PCDH7: variants seen among roughly 807,000 people sequenced by gnomAD.
The protein encoded by PCDH7 is protocadherin-7.
A neutral mutation model predicts 58.9 loss-of-function variants in PCDH7; 17 were observed. The ratio of observed to expected loss-of-function variants is 0.29; its 90% CI spans 0.20 to 0.43. PCDH7 has a LOEUF of 0.43. Among genes scored for constraint, PCDH7 ranks in the 20% least tolerant of loss-of-function variants. The pLI, the probability that PCDH7 is intolerant of heterozygous loss-of-function variation, is 1.00. For missense variants in PCDH7, 1,274 were observed against 1,441.0 expected (o/e 0.88, Z 1.88); for synonymous variants, 664 against 616.4 (o/e 1.08, Z -1.14).
At chr4:30,855,886 G>A (rs988457968) in intron 1 of PCDH7, among the ~76,000 whole-genome samples, 1 of 152,102 alleles carries the variant, frequency 6.6e-6, no homozygotes, top group Non-Finnish European at 1.5e-5. Context: ...ACTTTAATCT[G>A]CCGGATGGCC....
At chr4:31,112,032 C>A (rs559453040) in intron 3 of PCDH7, among the ~76,000 whole-genome samples, 1 of 152,172 alleles carries the variant, frequency 6.6e-6, no homozygotes, top group African/African-American at 2.4e-5. Flanking sequence ...AATAAGCATT[C>A]TATAAATGTG....
intron 3 of PCDH7, among the ~76,000 whole-genome samples, chr4:31,087,077 T>C (rs1276887452): frequency 6.6e-6 from 1 of 152,108 alleles, no homozygotes; most frequent in Non-Finnish European, 1.5e-5. Context: ...GTTCTCTGCA[T>C]TGTGGGGAGC....
chr4:30,927,296 T>TA (rs1743991877), intron 2 of PCDH7, among the ~76,000 whole-genome samples: 1 of 152,134 alleles, frequency 6.6e-6, no homozygotes, highest in Non-Finnish European at 1.5e-5. Flanking sequence ...GATTTATGTA[T>TA]AAAAAAACCT....
At chr4:30,906,124 G>T (rs1367157437) in intron 1 of PCDH7, among the ~76,000 whole-genome samples, 1 of 152,098 alleles carries the variant, frequency 6.6e-6, no homozygotes, top group Non-Finnish European at 1.5e-5. Context: ...GATATTCCAA[G>T]ATACATTAAC....
intron 3 of PCDH7, among the ~76,000 whole-genome samples, chr4:30,980,989 T>A (rs1001079835): frequency 6.6e-6 from 1 of 152,100 alleles, no homozygotes; most frequent in African/African-American, 2.4e-5. Flanking sequence ...ACTACAGACG[T>A]GTGCCACCAC....
chr4:30,824,148 T>C (rs1278214810), intron 1 of PCDH7, among the ~76,000 whole-genome samples: 3 of 147,872 alleles, frequency 2.0e-5, no homozygotes, highest in Non-Finnish European at 4.5e-5. Flanking sequence ...TCTTTCTTTC[T>C]TTCTTTCTTT....
intron 1 of PCDH7, chr4:30,884,392 G>A (rs1181801509): frequency 1.3e-5 from 2 of 152,064 alleles, no homozygotes; most frequent in Non-Finnish European, 2.9e-5. Flanking sequence ...CCTGGGGAGG[G>A]GACTGGTTTA....
At chr4:30,934,244 T>C (rs992752864) in intron 2 of PCDH7, among the ~76,000 whole-genome samples, 1 of 151,734 alleles carries the variant, frequency 6.6e-6, no homozygotes, top group African/African-American at 2.4e-5. Flanking sequence ...CGTCTGAGTA[T>C]TATCTATGTC....
chr4:30,932,777 G>A (rs923822841), intron 2 of PCDH7, among the ~76,000 whole-genome samples: 3 of 151,964 alleles, frequency 2.0e-5, no homozygotes, highest in Non-Finnish European at 4.4e-5. Flanking sequence ...ATTTTATCAC[G>A]GCCTCAGAAT....
At position 30,722,845 on chromosome 4, in the gene PCDH7, G is replaced by A. The variant is rs1429621392; in HGVS notation, c.1423G>A (p.Asp475Asn). ...GCCCTTCCAGCTCAAGCCAGCCAGC[G>A]ACACCGAGGGCGACCAGAACAAGAA... Residue 475 changes from aspartate (D) to asparagine (N), a missense_variant, in exon 1 of 2, where the codon GAC (aspartate) becomes AAC (asparagine). Transcript: ENST00000361762. The surrounding 1 kb of genome is among the most constrained non-coding windows in gnomAD (Gnocchi z 7.6). 1 of 1,613,768 alleles carries A rather than the reference G, an allele frequency of 6.2e-7. No homozygotes were observed. The highest frequency in any genetic ancestry group is 8.5e-7 in the Non-Finnish European group (1 of 1,180,030).
intron 1 of PCDH7, among the ~76,000 whole-genome samples, chr4:30,823,804 C>T (rs1728674690): frequency 1.3e-5 from 2 of 152,130 alleles, no homozygotes; most frequent in South Asian, 4.1e-4. Context: ...TCCGAAAGTG[C>T]TGCCTCTGCA....
chr4:31,037,263 C>T (rs1381277756), intron 3 of PCDH7, among the ~76,000 whole-genome samples: 1 of 152,112 alleles, frequency 6.6e-6, no homozygotes, highest in African/African-American at 2.4e-5. Context: ...TCAGTTTGTT[C>T]ATCTGTATGT....
Position 30,722,430 on chromosome 4 carries a change from C to A in PCDH7, c.1008C>A (p.Asp336Glu). 1.2e-6 allele frequency: 2 copies of A among 1,612,414 alleles called. No homozygotes were observed. The highest frequency in any genetic ancestry group is 1.7e-6 in the Non-Finnish European group (2 of 1,179,798). ...TGCAACTGCGCGCAGCCGACTTGGA[C>A]GTGGGGGTCAACGGGCAGATCGAAT... The change falls in exon 1 of 2, where the codon GAC becomes GAA. Residue 336 changes from aspartate to glutamate, a missense_variant. This residue lies in a region of PCDH7 where 331 missense variants were observed against 303.2 expected (regional missense o/e 1.09). Coordinates refer to ENST00000361762, the Ensembl canonical transcript of PCDH7. The surrounding 1 kb of genome is among the most constrained non-coding windows in gnomAD (Gnocchi z 7.6).
At chr4:30,775,024 T>A (rs1248798923) in intron 1 of PCDH7, among the ~76,000 whole-genome samples, 1 of 152,214 alleles carries the variant, frequency 6.6e-6, no homozygotes, top group Non-Finnish European at 1.5e-5. Flanking sequence ...TTGAATGGAA[T>A]CTTTTATTTG....
intron 1 of PCDH7, among the ~76,000 whole-genome samples, chr4:30,788,407 A>T (rs947550236): frequency 2.0e-5 from 3 of 152,096 alleles, no homozygotes; most frequent in Non-Finnish European, 2.9e-5. Flanking sequence ...TCTTCTTTCT[A>T]TGTGACAATC....
intron 1 of PCDH7, among the ~76,000 whole-genome samples, chr4:30,863,471 G>A (rs1263951220): frequency 2.6e-5 from 4 of 151,996 alleles, no homozygotes; most frequent in African/African-American, 7.2e-5. Flanking sequence ...TGATCGTCAC[G>A]CACAAATGTC....
chr4:30,836,886 C>T (rs1730544917), intron 1 of PCDH7, among the ~76,000 whole-genome samples: 1 of 152,120 alleles, frequency 6.6e-6, no homozygotes, highest in Non-Finnish European at 1.5e-5. Flanking sequence ...ATTTCAACAG[C>T]CAAGCCGAGT....
At position 31,135,657 on chromosome 4, in the gene PCDH7, G is replaced by A. The variant is rs191317758; in HGVS notation, c.*8-6816G>A. Among the ~76,000 whole-genome samples, 124 of 152,154 alleles carry A rather than the reference G, an allele frequency of 8.1e-4. 1 individual carries two copies. The highest frequency in any genetic ancestry group is 2.8e-3 in the African/African-American group (115 of 41,512). On this transcript the variant is annotated intron_variant, in intron 3 of 3. Coordinates refer to the PCDH7 transcript ENST00000509759. ...TGGAATCCTTCATATGTTATAAGAC[G>A]TTATATGTTATGCATGTGTCATATA...
chr4:30,851,998 G>T (rs1015154319), intron 1 of PCDH7, among the ~76,000 whole-genome samples: 3 of 152,000 alleles, frequency 2.0e-5, no homozygotes, highest in Admixed American at 6.6e-5. Flanking sequence ...TAGGAAAATA[G>T]ATTTTTCAAT....
Sources: allele counts gnomAD v4.1 joint callset (sites outside exome capture counted in the v4.1 genomes callset), GRCh38; gene constraint gnomAD v4.1.1; regional missense constraint gnomAD v4.1.1; non-coding constraint Gnocchi (gnomAD v3.1); transcripts MANE v1.5; gene names NCBI Gene and HGNC (gene_info 2026-07-23, HGNC 2026-07-21).